The following AKIP1 variants were observed in gnomAD, a reference collection of about 807,000 sequenced individuals.
AKIP1 encodes A-kinase interacting protein 1.
AKIP1 carries 18 observed loss-of-function variants against 22.3 expected under a neutral mutation model. The ratio of observed to expected loss-of-function variants is 0.81; its 90% confidence interval spans 0.56 to 1.19. The LOEUF is 1.19. AKIP1 is among the 50% of genes most tolerant of loss of function. The pLI is 0.00. For synonymous variants in AKIP1, 120 were observed against 102.7 expected (o/e 1.17, Z -1.02); for missense variants, 287 against 264.6 (o/e 1.08, Z -0.59).
intron 3 of AKIP1, among the ~76,000 whole-genome samples, chr11:8,914,594 C>T (rs929594967): frequency 6.6e-6 from 1 of 152,182 alleles, no homozygotes; most frequent in Non-Finnish European, 1.5e-5. Flanking sequence ...CGTTCTTGCC[C>T]TATGGAGGCA....
At chr11:8,917,682 C>T in intron 5 of AKIP1, 1 of 446,876 alleles carries the variant, frequency 2.2e-6, no homozygotes, top group Non-Finnish European at 4.0e-6. Flanking sequence ...GGAATTCCAC[C>T]ATCTGTTCAA....
At position 8,914,942 on chromosome 11, in the gene AKIP1, C is replaced by T. The variant is rs200350441; in HGVS notation, c.408+12C>T. ...TAGGGAATGGTCAGGTAAGTGTACT[C>T]AACTGTCCTGCACCATGCCTTCAGT... On this transcript the variant is annotated intron_variant, in intron 4 of 5. Transcript: ENST00000309377. 19 of 1,597,876 alleles carry T rather than the reference C, an allele frequency of 1.2e-5. No homozygotes were observed.
At chr11:8,916,603 A>C (rs2064489788) in intron 4 of AKIP1, among the ~76,000 whole-genome samples, 1 of 152,144 alleles carries the variant, frequency 6.6e-6, no homozygotes, top group Non-Finnish European at 1.5e-5. Flanking sequence ...AGAGGGAGGA[A>C]GTTTAGGAAA....
chr11:8,911,594 A>G lies in AKIP1; in HGVS notation c.145A>G (p.Met49Val). 2 of 1,607,718 alleles carry G rather than the reference A, an allele frequency of 1.2e-6. No individual in the cohort carries two copies. The highest frequency in any genetic ancestry group is 8.5e-7 in the Non-Finnish European group (1 of 1,178,090). Reference protein sequence around the residue: ...WHALERPKGCMGVLAREAPHL... With the variant: ...WHALERPKGCVGVLAREAPHL... ...TGCCCTGGAGCGTCCCAAAGGCTGC[A>G]TGGGGGTCCTTGCCCGGGAGGCGCC... Residue 49 changes from methionine to valine, a missense_variant, in exon 2 of 6, where the codon ATG becomes GTG. Transcript: ENST00000309377.
intron 4 of AKIP1, among the ~76,000 whole-genome samples, chr11:8,916,308 G>A (rs1003707522): frequency 6.6e-6 from 1 of 152,020 alleles, no homozygotes; most frequent in South Asian, 2.1e-4. Flanking sequence ...TGGGGACGGG[G>A]GTCTCTTTTA....
intron 2 of AKIP1, 141 bp downstream of exon 2, chr11:8,911,812 A>C: frequency 1.2e-6 from 1 of 845,922 alleles, no homozygotes; most frequent in Non-Finnish European, 1.8e-6. Flanking sequence ...TGAATGGAAA[A>C]GTCCTTTCAA....
chr11:8,919,670 T>G lies in AKIP1; in HGVS notation c.*190T>G. 3.5e-6 allele frequency: 2 copies of G among 569,772 alleles called. No individual in the cohort carries two copies. Among genetic ancestry groups the G allele is most frequent in the South Asian group, 4.5e-5 (2 of 44,656 alleles). The allele number at this position is 569,772 out of a possible 1,614,324, so 35.3% of individuals were successfully genotyped here. ...TGGTTTTTTTTTGAGACAGTCTCACTCTGTTGCCCAGGCTGGAGTGCAGTG... is the reference window on the plus strand; with the variant it reads ...TGGTTTTTTTTTGAGACAGTCTCACGCTGTTGCCCAGGCTGGAGTGCAGTG... On this transcript the variant is annotated 3_prime_UTR_variant, in exon 6 of 6. Transcript: ENST00000309377.
rs534268897 is a variant in AKIP1 at position 8,912,956 on chromosome 11, G to T, written c.303+423G>T. ...GTGGTGTGATCTCGGCTCACTGCAA[G>T]CTCTCCCTCCTGGGTTCACACCATT... On this transcript the variant is annotated intron_variant, in intron 3 of 5. Transcript: ENST00000309377. Among the ~76,000 whole-genome samples, 9 of 126,548 alleles carry T rather than the reference G, an allele frequency of 7.1e-5. No homozygotes were observed. The South Asian group carries it at 2.1e-3, about 30-fold the overall frequency. The allele number at this position is 126,548 out of a possible 152,430, so 83.0% of individuals were successfully genotyped here.
At position 8,911,657 on chromosome 11, in the gene AKIP1, G is replaced by A. The variant is rs757426316; in HGVS notation, c.208G>A (p.Val70Ile). The A allele has an allele frequency of 6.4e-7, 1 of 1,561,112 alleles. No individual in the cohort carries two copies. Among genetic ancestry groups the A allele is most frequent in the Non-Finnish European group, 8.6e-7 (1 of 1,156,288 alleles). The change falls in exon 2 of 6, where the codon GTT becomes ATT. Residue 70 changes from valine (V) to isoleucine (I), a missense_variant. Coordinates refer to ENST00000309377, the MANE Select transcript of AKIP1 (RefSeq NM_020642.4). Reference protein sequence around the residue: ...EKQPAAGPQRVLPGEREERPP... With the variant: ...EKQPAAGPQRILPGEREERPP... ...ACAGCCGGCAGCCGGCCCGCAGCGC[G>A]TTCTCCCGGGAGAGGTGAGGGTCGC...
intron 4 of AKIP1, among the ~76,000 whole-genome samples, chr11:8,916,894 AC>A: frequency 6.6e-6 from 1 of 152,104 alleles, no homozygotes; most frequent in Non-Finnish European, 1.5e-5. Flanking sequence ...TTCTAGGACC[AC>A]CCCCACTCCT....
At chr11:8,915,347 A>ATT (rs146108642) in intron 4 of AKIP1, among the ~76,000 whole-genome samples, 4 of 105,092 alleles carry the variant, frequency 3.8e-5, no homozygotes, top group African/African-American at 1.0e-4. Flanking sequence ...TAGGGATAGG[A>ATT]TTTTTTTTTT....
At chr11:8,915,316 C>G (rs1001621833) in intron 4 of AKIP1, among the ~76,000 whole-genome samples, 5 of 143,826 alleles carry the variant, frequency 3.5e-5, no homozygotes, top group Admixed American at 3.4e-4. Context: ...TAAAAGAGCT[C>G]TAAATATCCT....
intron 3 of AKIP1, among the ~76,000 whole-genome samples, chr11:8,912,926 G>A (rs1333099829): frequency 7.5e-6 from 1 of 133,524 alleles, no homozygotes; most frequent in Non-Finnish European, 1.5e-5. Flanking sequence ...ACAGGCTGGA[G>A]TGCAGTGGTG....
Position 8,911,454 on chromosome 11 carries a change from A to C in AKIP1, c.5A>C (p.Asp2Ala). The change falls in exon 2 of 6, where the codon GAC becomes GCC. Residue 2 changes from aspartate (D) to alanine (A), a missense_variant. By Grantham distance (126) the Asp-to-Ala change is moderately radical. Transcript: ENST00000309377. ...TGTGTGCCCACTCAGGGAGCCATGG[A>C]CAACTGTTTGGCGGCCGCAGCGCTG... MDNCLAAAALNG... is the reference protein window; with the variant it reads MANCLAAAALNG... 1.3e-6 allele frequency: 2 copies of C among 1,593,824 alleles called. No individual in the cohort carries two copies. Among genetic ancestry groups the C allele is most frequent in the Non-Finnish European group, 1.7e-6 (2 of 1,170,356 alleles).
At position 8,911,735 on chromosome 11, in the gene AKIP1, G is replaced by A. The variant is rs2064357209; in HGVS notation, c.222+64G>A. The A allele has an allele frequency of 3.5e-6, 5 of 1,422,460 alleles. No homozygotes were observed. In the Admixed American group the frequency reaches 1.1e-4, roughly 32 times the overall value. The allele number at this position is 1,422,460 out of a possible 1,614,324, so 88.1% of individuals were successfully genotyped here. On this transcript the variant is annotated intron_variant, in intron 2 of 5. Coordinates refer to ENST00000309377, the MANE Select transcript of AKIP1 (RefSeq NM_020642.4). ...CGCCGCGGTAGCCCGCTGGGAGCCA[G>A]GGGTGCGCAGCGCAGAAGCAGCTGA...
intron 2 of AKIP1, 120 bp from the exon 3 acceptor site, chr11:8,912,333 C>G (rs1008005122): frequency 2.4e-5 from 18 of 741,754 alleles, no homozygotes; most frequent in Non-Finnish European, 4.3e-5. Flanking sequence ...TAACATCGTT[C>G]TTTCTGACAT....
At chr11:8,918,118 C>T (rs548474763) in intron 5 of AKIP1, 1 of 152,198 alleles carries the variant, frequency 6.6e-6, no homozygotes, top group Non-Finnish European at 1.5e-5. Context: ...GCTGATGTTC[C>T]ACCGTGTTGG....
intron 3 of AKIP1, among the ~76,000 whole-genome samples, chr11:8,914,473 C>T (rs981377831): frequency 2.6e-5 from 4 of 152,168 alleles, no homozygotes; most frequent in African/African-American, 9.7e-5. Context: ...CGTTCATCCA[C>T]ATTTTTTAGG....
chr11:8,911,720 G>T lies in AKIP1; in HGVS notation c.222+49G>T, dbSNP rs1413084019. 4.1e-6 allele frequency: 6 copies of T among 1,453,032 alleles called. No homozygotes were observed. In the South Asian group the frequency reaches 8.7e-5, roughly 21 times the overall value. 90.0% of individuals were successfully genotyped at this position (1,453,032 alleles called of 1,614,324 possible). A position where few individuals can be genotyped will look rare whatever the true frequency, so the allele number is the denominator to read the frequency against. ...CGCCCCAGTCCTTCGCGCCGCGGTA[G>T]CCCGCTGGGAGCCAGGGGTGCGCAG... is the stretch of plus-strand genomic sequence containing the variant. On this transcript the variant is annotated intron_variant, in intron 2 of 5. Coordinates refer to ENST00000309377, the MANE Select transcript of AKIP1 (RefSeq NM_020642.4).
Sources: allele counts gnomAD v4.1 joint callset (sites outside exome capture counted in the v4.1 genomes callset), GRCh38; gene constraint gnomAD v4.1.1; transcripts MANE v1.5; gene names NCBI Gene and HGNC (gene_info 2026-07-23, HGNC 2026-07-21).